PLXNA4: variants seen among roughly 807,000 people sequenced by gnomAD.
PLXNA4 encodes the protein plexin-A4.
Under a neutral mutation model 191.8 loss-of-function variants are expected in PLXNA4, and 44 were observed. That is an observed-to-expected ratio of 0.23 (90% CI 0.18 to 0.29). PLXNA4 has a LOEUF of 0.29. Among genes scored for constraint, PLXNA4 ranks in the 10% least tolerant of loss-of-function variants. The pLI, the probability that PLXNA4 is intolerant of heterozygous loss-of-function variation, is 1.00. For synonymous variants in PLXNA4, 1,082 were observed against 1,009.5 expected, an observed-to-expected ratio of 1.07 and a Z score of -1.36; for missense variants, 1,800 against 2,488.8, an observed-to-expected ratio of 0.72 and a Z score of 5.89.
intron 24 of PLXNA4, 65 bp downstream of exon 24, chr7:132,164,077 G>T (rs976774690): frequency 6.2e-6 from 10 of 1,600,904 alleles, no homozygotes; most frequent in Non-Finnish European, 8.5e-6. Flanking sequence ...CCACTGCTGA[G>T]CAGGGCTACC....
At chr7:132,247,648 G>A (rs1051602939) in intron 4 of PLXNA4, among the ~76,000 whole-genome samples, 36 of 152,116 alleles carry the variant, frequency 2.4e-4, no homozygotes, top group East Asian at 1.9e-4. Flanking sequence ...ATCTCCACCC[G>A]CCTTCATCTC....
At chr7:132,230,628 G>A (rs1157853534) in intron 5 of PLXNA4, among the ~76,000 whole-genome samples, 1 of 152,168 alleles carries the variant, frequency 6.6e-6, no homozygotes, top group Admixed American at 6.5e-5. Context: ...CAGCTCCTCT[G>A]CGAGGACTCC....
At chr7:132,468,902 C>G (rs1796811852) in intron 3 of PLXNA4, among the ~76,000 whole-genome samples, 1 of 151,950 alleles carries the variant, frequency 6.6e-6, no homozygotes, top group Non-Finnish European at 1.5e-5. Flanking sequence ...GGGTGAGCGT[C>G]TAGGAATTTC....
chr7:132,296,832 C>A (rs749084057), intron 4 of PLXNA4, among the ~76,000 whole-genome samples: 16 of 152,034 alleles, frequency 1.1e-4, no homozygotes, highest in Non-Finnish European at 2.2e-4. Flanking sequence ...GCTGCAGGCT[C>A]CATCTCGGTA....
chr7:132,570,661 T>G (rs1375645508), intron 1 of PLXNA4, among the ~76,000 whole-genome samples: 1 of 152,210 alleles, frequency 6.6e-6, no homozygotes, highest in Non-Finnish European at 1.5e-5. Context: ...TACTTCATAA[T>G]GAAAATACTC....
intron 4 of PLXNA4, among the ~76,000 whole-genome samples, chr7:132,292,421 C>T (rs543359149): frequency 3.5e-4 from 54 of 152,248 alleles, no homozygotes; most frequent in African/African-American, 1.2e-3. Context: ...GAGGTAACAC[C>T]CTAGATAGAG....
intron 21 of PLXNA4, among the ~76,000 whole-genome samples, chr7:132,172,912 TA>T (rs1183231173): frequency 6.6e-6 from 1 of 152,172 alleles, no homozygotes; most frequent in Non-Finnish European, 1.5e-5. Flanking sequence ...CACAGAGTAA[TA>T]TGGGAATGTT....
At chr7:132,319,873 C>T (rs1275976151) in intron 3 of PLXNA4, among the ~76,000 whole-genome samples, 1 of 152,222 alleles carries the variant, frequency 6.6e-6, no homozygotes, top group Non-Finnish European at 1.5e-5. Context: ...TCTCCACTTG[C>T]TTCCTTCCCA....
chr7:132,192,025 T>C (rs1458719505), intron 14 of PLXNA4, among the ~76,000 whole-genome samples: 1 of 152,182 alleles, frequency 6.6e-6, no homozygotes, highest in Non-Finnish European at 1.5e-5. Flanking sequence ...GTGCGTATTC[T>C]TCTAATTTTA....
intron 3 of PLXNA4, among the ~76,000 whole-genome samples, chr7:132,420,885 T>C (rs1036342622): frequency 2.0e-5 from 3 of 152,248 alleles, no homozygotes; most frequent in African/African-American, 7.2e-5. Context: ...ATGTGAGATG[T>C]GCCTTTCACC....
chr7:132,535,385 T>C (rs1041608645), intron 1 of PLXNA4, among the ~76,000 whole-genome samples: 1 of 152,148 alleles, frequency 6.6e-6, no homozygotes, highest in Non-Finnish European at 1.5e-5. Flanking sequence ...GTCTGGTTGG[T>C]GGGTTTCCAT....
At chr7:132,272,225 TC>T (rs1800104308) in intron 4 of PLXNA4, among the ~76,000 whole-genome samples, 1 of 152,218 alleles carries the variant, frequency 6.6e-6, no homozygotes, top group African/African-American at 2.4e-5. Flanking sequence ...CTATTTAACC[TC>T]CTCAATATCT....
chr7:132,528,446 T>C (rs1799496925), intron 1 of PLXNA4, among the ~76,000 whole-genome samples: 1 of 152,198 alleles, frequency 6.6e-6, no homozygotes, highest in African/African-American at 2.4e-5. Flanking sequence ...CAGCCATGAT[T>C]GGAATAAGCC....
rs149681090 is a variant in PLXNA4 at position 132,403,555 on chromosome 7, G to A, written c.1371+85737C>T. ...ATCTCCCTCTCACTTCTTACTGATC[G>A]CGTTTGCTTGCTGTGTCAGCTGAAT... On this transcript the variant is annotated intron_variant, in intron 3 of 31. Transcript: ENST00000321063. Among the ~76,000 whole-genome samples, 150 of 152,280 alleles carry A rather than the reference G, an allele frequency of 9.9e-4. 1 individual carries two copies. The East Asian group carries it at 0.022, about 23-fold the overall frequency.
chr7:132,265,507 T>A (rs1799815973), intron 4 of PLXNA4, among the ~76,000 whole-genome samples: 1 of 151,946 alleles, frequency 6.6e-6, no homozygotes, highest in African/African-American at 2.4e-5. Flanking sequence ...ATATGAAGGG[T>A]GTGTATGGGA....
chr7:132,130,551 A>G lies in PLXNA4; in HGVS notation c.5613T>C (p.Asp1871=), dbSNP rs2671103. 1,403,632 of 1,613,950 alleles carry G rather than the reference A, an allele frequency of 0.87. 611,038 individuals are homozygous for G. Among genetic ancestry groups the G allele is most frequent in the East Asian group, 0.94 (42,325 of 44,868 alleles). Residue 1871 remains aspartate (D), a synonymous_variant, in exon 32 of 32, where the codon GAT becomes GAC. Transcript: ENST00000321063. The stretch of plus-strand genomic sequence containing the variant: ...CCAGTTTCTGCTTCCCACACTGGTC[A>G]TCGTGGTCCAGAGGTCCAAGGATCT... The part of the protein sequence containing the change: ...SEEILGPLDH[D]DQCGKQKLAY...
chr7:132,357,113 C>A (rs73436710), intron 3 of PLXNA4, among the ~76,000 whole-genome samples: 4,253 of 152,222 alleles, frequency 0.028, 210 homozygotes, highest in African/African-American at 0.097. Flanking sequence ...TCTTCCAGAC[C>A]CAAAAGCCTG....
At chr7:132,553,394 T>C (rs1167532928) in intron 1 of PLXNA4, among the ~76,000 whole-genome samples, 2 of 152,058 alleles carry the variant, frequency 1.3e-5, no homozygotes, top group African/African-American at 4.8e-5. Context: ...CCCAGACCCA[T>C]CAGAAAAGCC....
chr7:132,512,622 G>A (rs1426135184), intron 1 of PLXNA4, among the ~76,000 whole-genome samples: 1 of 152,190 alleles, frequency 6.6e-6, no homozygotes, highest in Admixed American at 6.5e-5. Context: ...GTGAGCTCCA[G>A]CTTGCCTCAC....
Sources: allele counts gnomAD v4.1 joint callset (sites outside exome capture counted in the v4.1 genomes callset), GRCh38; gene constraint gnomAD v4.1.1; transcripts MANE v1.5; gene names NCBI Gene and HGNC (gene_info 2026-07-23, HGNC 2026-07-21).